The following NAALADL2 variants were observed in gnomAD, a reference collection of about 807,000 sequenced individuals.
The protein encoded by NAALADL2 is inactive N-acetylated-alpha-linked acidic dipeptidase-like protein 2.
A neutral mutation model predicts 87.2 loss-of-function variants in NAALADL2; 76 were observed. The observed-to-expected ratio is 0.87, with a 90% CI of 0.72 to 1.05. The LOEUF is 1.05. NAALADL2 is among the 50% of genes least tolerant of loss of function. The pLI is 0.00. For synonymous variants in NAALADL2, 354 were observed against 331.0 expected (o/e 1.07, Z -0.75); for missense variants, 1,089 against 945.8 (o/e 1.15, Z -1.99).
chr3:174,591,282 G>T (rs532901187), intron 2 of NAALADL2, among the ~76,000 whole-genome samples: 27 of 152,270 alleles, frequency 1.8e-4, no homozygotes, highest in South Asian at 1.0e-3. Flanking sequence ...AGGAGGAGAA[G>T]GGCAAATAGG....
intron 3 of NAALADL2, among the ~76,000 whole-genome samples, chr3:174,827,522 G>A (rs1262734256): frequency 1.3e-5 from 2 of 152,114 alleles, no homozygotes; most frequent in African/African-American, 4.8e-5. Context: ...TGTTCATCTT[G>A]TACTCTTAGA....
rs115735010 is a variant in NAALADL2, at chr3:175,011,960, A to C, written c.44-84830A>C. 3.3e-3 allele frequency among the ~76,000 whole-genome samples: 502 copies of C among 152,276 alleles called. 6 individuals are homozygous for C. Among genetic ancestry groups the C allele is most frequent in the African/African-American group, 0.012 (485 of 41,566 alleles). Reference sequence around the variant, plus strand: ...AAAAGCTATCGCCATTACAGTCAATAAGAAGGTTATCAGTTTCATTGCAAA... The same window carrying C: ...AAAAGCTATCGCCATTACAGTCAATCAGAAGGTTATCAGTTTCATTGCAAA... On this transcript the variant is annotated intron_variant, in intron 1 of 13. Transcript: ENST00000454872.
chr3:174,834,088 T>G, intron 3 of NAALADL2, among the ~76,000 whole-genome samples: 1 of 148,844 alleles, frequency 6.7e-6, no homozygotes, highest in East Asian at 2.0e-4. Flanking sequence ...GAATAGAGTT[T>G]GAAAAGAAGC....
chr3:175,504,765 G>A (rs1470802085), intron 9 of NAALADL2, among the ~76,000 whole-genome samples: 3 of 152,022 alleles, frequency 2.0e-5, no homozygotes, highest in African/African-American at 4.8e-5. Context: ...AGTGACCATG[G>A]ACAAAAACTC....
chr3:175,401,837 G>A (rs73033622), intron 5 of NAALADL2, among the ~76,000 whole-genome samples: 7,263 of 152,044 alleles, frequency 0.048, 393 homozygotes, highest in East Asian at 0.14. Context: ...GAAATACATC[G>A]CTATTTTTCG....
chr3:175,752,458 G>A (rs932010267), intron 12 of NAALADL2, among the ~76,000 whole-genome samples: 2 of 152,058 alleles, frequency 1.3e-5, no homozygotes, highest in African/African-American at 2.4e-5. Context: ...GAAAGGTAAG[G>A]TTTCTTTCTG....
intron 3 of NAALADL2, among the ~76,000 whole-genome samples, chr3:174,781,877 G>T (rs987880246): frequency 1.3e-5 from 2 of 151,984 alleles, no homozygotes; most frequent in African/African-American, 4.8e-5. Flanking sequence ...GACTTTTCAG[G>T]TCTTTGCAAG....
At chr3:175,473,662 ACAACT>A (rs1364661344) in intron 9 of NAALADL2, among the ~76,000 whole-genome samples, 2 of 151,972 alleles carry the variant, frequency 1.3e-5, no homozygotes, top group Non-Finnish European at 1.5e-5. Flanking sequence ...CATTTTATAA[ACAACT>A]CAAATCTATA....
At chr3:174,525,314 G>A (rs1720640170) in intron 1 of NAALADL2, among the ~76,000 whole-genome samples, 1 of 152,186 alleles carries the variant, frequency 6.6e-6, no homozygotes, top group Admixed American at 6.5e-5. Flanking sequence ...GGTTTAGTTG[G>A]CTCACCATTC....
intron 2 of NAALADL2, among the ~76,000 whole-genome samples, chr3:174,635,101 T>C (rs1722500585): frequency 2.0e-5 from 3 of 152,204 alleles, no homozygotes. Flanking sequence ...CATGTAAACA[T>C]TTGAATGTTT....
chr3:174,653,774 CA>C lies in NAALADL2; in HGVS notation c.-114-83862del, dbSNP rs575185549. Among the ~76,000 whole-genome samples, 429 of 152,056 alleles carry C rather than the reference CA, an allele frequency of 2.8e-3. 2 individuals carry two copies. The highest frequency in any genetic ancestry group is 4.4e-3 in the Non-Finnish European group (299 of 67,952). ...TGGAAGGCCTTATAATGTCATTAGC[CA>C]AAAATTCATAAACTTATGTAAATTG... On this transcript the variant is annotated intron_variant, in intron 2 of 3. Coordinates refer to the NAALADL2 transcript ENST00000434257.
At chr3:174,503,160 A>G (rs975244438) in intron 1 of NAALADL2, among the ~76,000 whole-genome samples, 2 of 152,202 alleles carry the variant, frequency 1.3e-5, no homozygotes, top group African/African-American at 4.8e-5. Flanking sequence ...GATTTCTGAT[A>G]GTTGAAGATA....
chr3:175,291,395 G>T (rs1201606482), intron 4 of NAALADL2, among the ~76,000 whole-genome samples: 3 of 152,082 alleles, frequency 2.0e-5, no homozygotes, highest in Non-Finnish European at 4.4e-5. Flanking sequence ...GGTTTATCTT[G>T]TGGTTTGATT....
At chr3:175,558,194 C>CAAAA (rs71164638) in intron 9 of NAALADL2, among the ~76,000 whole-genome samples, 60 of 82,276 alleles carry the variant, frequency 7.3e-4, no homozygotes, top group African/African-American at 1.4e-3. Context: ...GACCCCGTCT[C>CAAAA]AAAAAAAAAA....
At chr3:175,444,221 T>C (rs1461943239) in intron 5 of NAALADL2, among the ~76,000 whole-genome samples, 1 of 152,180 alleles carries the variant, frequency 6.6e-6, no homozygotes, top group African/African-American at 2.4e-5. Flanking sequence ...CATGAAAACT[T>C]CGAAATGATA....
chr3:174,576,131 G>A (rs1715504612), intron 2 of NAALADL2, among the ~76,000 whole-genome samples: 1 of 152,052 alleles, frequency 6.6e-6, no homozygotes, highest in African/African-American at 2.4e-5. Flanking sequence ...ACAAAGTGCC[G>A]AGATTACAGA....
At chr3:175,379,777 T>G (rs1767573071) in intron 5 of NAALADL2, among the ~76,000 whole-genome samples, 1 of 152,134 alleles carries the variant, frequency 6.6e-6, no homozygotes, top group South Asian at 2.1e-4. Flanking sequence ...TATGGCTTAT[T>G]ATCAAGGCTG....
chr3:175,411,303 G>A (rs1713466049), intron 5 of NAALADL2, among the ~76,000 whole-genome samples: 1 of 152,148 alleles, frequency 6.6e-6, no homozygotes. Flanking sequence ...TTTGAGTTAT[G>A]CTCTTAATTT....
At chr3:174,963,874 T>A (rs1742486799) in intron 1 of NAALADL2, among the ~76,000 whole-genome samples, 1 of 152,144 alleles carries the variant, frequency 6.6e-6, no homozygotes, top group Non-Finnish European at 1.5e-5. Flanking sequence ...TTGATCATAA[T>A]TTTTCAATTA....
Sources: gnomAD v4.1 joint callset for allele counts (sites outside exome capture counted in the v4.1 genomes callset) on GRCh38, gnomAD v4.1.1 for gene constraint, MANE v1.5 for transcripts, NCBI Gene and HGNC (gene_info 2026-07-23, HGNC 2026-07-21) for gene names.